ILDR1: variants seen among roughly 807,000 people sequenced by gnomAD.
The protein encoded by ILDR1 is immunoglobulin-like domain-containing receptor 1.
In ILDR1, 56 loss-of-function variants were observed where a neutral mutation model predicts 62.4. That is an observed-to-expected ratio of 0.90 (90% CI 0.72 to 1.12). The LOEUF is 1.12. ILDR1 is among the 50% of genes most tolerant of loss of function. The pLI, the probability that ILDR1 is intolerant of heterozygous loss-of-function variation, is 0.00. For synonymous variants in ILDR1, 284 were observed against 277.8 expected, an observed-to-expected ratio of 1.02 and a Z score of -0.22; for missense variants, 736 against 710.6, an observed-to-expected ratio of 1.04 and a Z score of -0.41.
chr3:122,004,668 T>A (rs538185364), intron 3 of ILDR1, among the ~76,000 whole-genome samples: 1 of 152,300 alleles, frequency 6.6e-6, no homozygotes, highest in Admixed American at 6.5e-5. Context: ...CCATGATGCC[T>A]GTCGTTCAGA....
chr3:122,008,591 TTC>T (rs2107667330), intron 1 of ILDR1, among the ~76,000 whole-genome samples: 1 of 61,932 alleles, frequency 1.6e-5, no homozygotes, highest in South Asian at 7.2e-4. Flanking sequence ...TTCTTTTCTT[TTC>T]TTTTTTTTTT....
chr3:121,994,324 A>G lies in ILDR1; in HGVS notation c.647-11T>C. 1 of 1,529,938 alleles carries G rather than the reference A, an allele frequency of 6.5e-7. No individual in the cohort carries two copies. The highest frequency in any genetic ancestry group is 8.8e-7 in the Non-Finnish European group (1 of 1,142,406). 94.8% of individuals were successfully genotyped at this position (1,529,938 alleles called of 1,614,324 possible). A position where few individuals can be genotyped will look rare whatever the true frequency, so the allele number is the denominator to read the frequency against. ...GGTGGCGGGCCAGGGCTGCAGGGAA[A>G]GAAGGAGAAATGCAGGCCCTCAGCC... On this transcript the variant is annotated splice_polypyrimidine_tract_variant and intron_variant, in intron 5 of 7. Transcript: ENST00000344209.
the ILDR1 span, chr3:122,055,606 C>A: frequency 3.8e-6 from 4 of 1,042,498 alleles, no homozygotes; most frequent in Non-Finnish European, 5.9e-6. Flanking sequence ...TCACTTAGTT[C>A]CTAAGTGGAG....
upstream of ILDR1, among the ~76,000 whole-genome samples, chr3:122,023,620 C>T (rs1004546637): frequency 6.6e-6 from 1 of 152,166 alleles, no homozygotes; most frequent in Non-Finnish European, 1.5e-5. Flanking sequence ...GATCTTAACC[C>T]AGTCTCTTCT....
chr3:121,991,092 C>T (rs1576712137), intron 7 of ILDR1, among the ~76,000 whole-genome samples: 1 of 152,228 alleles, frequency 6.6e-6, no homozygotes, highest in South Asian at 2.1e-4. Flanking sequence ...CCCAGCTAAT[C>T]ACGAGGCTGA....
At chr3:122,042,185 C>T in the ILDR1 span, among the ~76,000 whole-genome samples, 66 of 83,904 alleles carry the variant, frequency 7.9e-4, 2 homozygotes, top group Admixed American at 8.5e-4. Flanking sequence ...TTTGTTCTTG[C>T]GATAGTTTAC....
the ILDR1 span, among the ~76,000 whole-genome samples, chr3:122,033,654 G>A: frequency 2.0e-5 from 3 of 151,914 alleles, no homozygotes; most frequent in Non-Finnish European, 4.4e-5. Context: ...TACAATCCAC[G>A]TGGAACTGAG....
At chr3:122,034,649 GT>G in the ILDR1 span, among the ~76,000 whole-genome samples, 190 of 152,260 alleles carry the variant, frequency 1.2e-3, no homozygotes, top group African/African-American at 4.3e-3. Context: ...TGTTGTTGTT[GT>G]TGTTTTTTCT....
the ILDR1 span, among the ~76,000 whole-genome samples, chr3:122,036,796 C>G: frequency 2.0e-5 from 3 of 152,168 alleles, no homozygotes; most frequent in Non-Finnish European, 4.4e-5. Context: ...AGCAGCCACT[C>G]CCATCACAGG....
chr3:122,005,422 A>G, intron 2 of ILDR1, 29 bp from the exon 3 acceptor site: 1 of 1,613,982 alleles, frequency 6.2e-7, no homozygotes, highest in Non-Finnish European at 8.5e-7. Context: ...CTAGAGTCAC[A>G]CAGCAATAGG....
chr3:122,047,672 A>T, the ILDR1 span, among the ~76,000 whole-genome samples: 11 of 151,914 alleles, frequency 7.2e-5, no homozygotes, highest in Admixed American at 2.0e-4. Flanking sequence ...GAGTGACCCG[A>T]TTTTCCAGGT....
the ILDR1 span, among the ~76,000 whole-genome samples, chr3:122,038,755 G>T: frequency 6.6e-6 from 1 of 152,164 alleles, no homozygotes; most frequent in Non-Finnish European, 1.5e-5. Context: ...TAAATAGCAT[G>T]TAAGCTCAGA....
intron 7 of ILDR1, among the ~76,000 whole-genome samples, chr3:121,990,978 G>C (rs2071335900): frequency 6.6e-6 from 1 of 152,184 alleles, no homozygotes. Context: ...GAGGCGGGCA[G>C]ATCACGAGGT....
chr3:122,033,198 A>T, the ILDR1 span, among the ~76,000 whole-genome samples: 3 of 151,962 alleles, frequency 2.0e-5, no homozygotes, highest in Non-Finnish European at 2.9e-5. Context: ...GGTGGGTGTG[A>T]GATGGTATTT....
At chr3:122,057,213 A>G in the ILDR1 span, among the ~76,000 whole-genome samples, 1 of 152,224 alleles carries the variant, frequency 6.6e-6, no homozygotes, top group South Asian at 2.1e-4. Context: ...AGCCTTTAAA[A>G]TGTATATGCC....
chr3:121,991,153 T>C (rs1030955140), intron 7 of ILDR1, among the ~76,000 whole-genome samples: 1 of 151,974 alleles, frequency 6.6e-6, no homozygotes, highest in South Asian at 2.1e-4. Flanking sequence ...AGAGCCGAGA[T>C]TGCACCACTG....
At chr3:122,001,912 T>G in intron 3 of ILDR1, 48 bp from the exon 4 acceptor site, 1 of 1,609,474 alleles carries the variant, frequency 6.2e-7, no homozygotes, top group Non-Finnish European at 8.5e-7. Flanking sequence ...GAGAGAGCAC[T>G]GGTTTCTAAC....
chr3:121,993,012 A>T, intron 7 of ILDR1, 138 bp downstream of exon 7: 2 of 745,284 alleles, frequency 2.7e-6, no homozygotes, highest in South Asian at 3.1e-5. Flanking sequence ...CACCTAGCCC[A>T]CAGTGTAATT....
In ILDR1 at chr3:121,993,294, C is replaced by T. The variant is rs760818014; in HGVS notation, c.1455G>A (p.Lys485=). ...GLSSWSSEED[K]ERQPQSWRAH... ...CCCGCCAGCTCTGGGGCTGCCTCTC[C>T]TTGTCCTCTTCAGAGCTCCAGGAAC... The change falls in exon 7 of 8, where the codon AAG becomes AAA. Residue 485 remains lysine (K), a synonymous_variant. Coordinates refer to ENST00000344209, the MANE Select transcript of ILDR1 (RefSeq NM_001199799.2). The T allele has an allele frequency of 2.5e-6, 4 of 1,613,486 alleles. No individual in the cohort carries two copies. The highest frequency in any genetic ancestry group is 1.7e-5 in the Admixed American group (1 of 60,006).
Sources: gnomAD v4.1 joint callset for allele counts (sites outside exome capture counted in the v4.1 genomes callset) on GRCh38, gnomAD v4.1.1 for gene constraint, MANE v1.5 for transcripts, NCBI Gene and HGNC (gene_info 2026-07-23, HGNC 2026-07-21) for gene names.